The following CNNM2 variants were observed in gnomAD, a reference collection of about 807,000 sequenced individuals.
CNNM2 encodes the protein cyclin and CBS domain divalent metal cation transport mediator 2.
A neutral mutation model predicts 66.9 loss-of-function variants in CNNM2; 12 were observed. The observed-to-expected ratio is 0.18, with a 90% CI of 0.11 to 0.29. CNNM2 has a LOEUF of 0.29. CNNM2 is among the 10% of genes least tolerant of loss of function. The pLI is 1.00. For missense variants in CNNM2, 705 were observed against 1,167.7 expected (o/e 0.60, Z 5.77); for synonymous variants, 557 against 501.8 (o/e 1.11, Z -1.47).
chr10:102,944,921 T>C (rs893503304), intron 1 of CNNM2, among the ~76,000 whole-genome samples: 1 of 152,152 alleles, frequency 6.6e-6, no homozygotes, highest in African/African-American at 2.4e-5. Context: ...GCAATCTGGA[T>C]TTATCTTATC....
intron 1 of CNNM2, among the ~76,000 whole-genome samples, chr10:103,013,245 G>T (rs1234985846): frequency 1.3e-5 from 2 of 152,222 alleles, no homozygotes; most frequent in East Asian, 3.9e-4. Context: ...AAAACCCAGG[G>T]AATGTTAGTT....
At chr10:103,030,580 G>A (rs192171302) in intron 1 of CNNM2, among the ~76,000 whole-genome samples, 25 of 152,264 alleles carry the variant, frequency 1.6e-4, no homozygotes, top group Non-Finnish European at 3.1e-4. Context: ...GCCAGGCGTG[G>A]TGGCACACCT....
chr10:102,982,644 C>T (rs907261252), intron 1 of CNNM2, among the ~76,000 whole-genome samples: 1 of 152,072 alleles, frequency 6.6e-6, no homozygotes, highest in Non-Finnish European at 1.5e-5. Context: ...TAGGGCTTTC[C>T]GATATAAGTA....
intron 1 of CNNM2, among the ~76,000 whole-genome samples, chr10:102,924,452 A>G (rs148895180): frequency 1.3e-5 from 2 of 152,314 alleles, no homozygotes; most frequent in South Asian, 2.1e-4. Flanking sequence ...TCACCAGATA[A>G]TGTTGTTCTT....
intron 2 of CNNM2, among the ~76,000 whole-genome samples, chr10:103,052,430 C>T (rs994139616): frequency 2.0e-5 from 3 of 151,980 alleles, no homozygotes; most frequent in Non-Finnish European, 4.4e-5. Flanking sequence ...TTTAACTTCT[C>T]TTAAGCCTTG....
Position 103,089,684 on chromosome 10 carries a change from C to G in CNNM2, c.*12504C>G. On this transcript the variant is annotated 3_prime_UTR_variant, in exon 8 of 8. Coordinates refer to ENST00000369878, the MANE Select transcript of CNNM2 (RefSeq NM_017649.5). ...TTGGTTTTCCTCCTTATTCTTCCTC[C>G]TCCTCCTCCTCTTCATCATCATCTT... The G allele has an allele frequency of 6.2e-7, 1 of 1,603,194 alleles. No individual in the cohort carries two copies. The highest frequency in any genetic ancestry group is 8.5e-7 in the Non-Finnish European group (1 of 1,174,528).
rs2064954958 is a variant in CNNM2, at chr10:103,037,099, G to A, written c.1622-12608G>A. Among the ~76,000 whole-genome samples, 2 of 151,932 alleles carry A rather than the reference G, an allele frequency of 1.3e-5. 1 individual carries two copies. Among genetic ancestry groups the A allele is most frequent in the South Asian group, 4.1e-4 (2 of 4,826 alleles). On this transcript the variant is annotated intron_variant, in intron 1 of 7. Transcript: ENST00000369878. ...TACAATTGCATGTGAATATACAATT[G>A]TTTCAAAATTAAAATAAAATGTTCC...
intron 1 of CNNM2, among the ~76,000 whole-genome samples, chr10:103,039,979 C>T (rs892999306): frequency 3.3e-5 from 5 of 152,054 alleles, no homozygotes; most frequent in Non-Finnish European, 5.9e-5. Flanking sequence ...CCAGCCTGGC[C>T]AACATGGTGA....
At chr10:103,066,038 A>G (rs1260181271) in intron 4 of CNNM2, among the ~76,000 whole-genome samples, 8 of 152,092 alleles carry the variant, frequency 5.3e-5, no homozygotes, top group Non-Finnish European at 1.5e-5. Flanking sequence ...TCTGTAGGGT[A>G]GGAAAGCCTC....
At position 103,089,871 on chromosome 10, in the gene CNNM2, T is replaced by C. The variant is rs755564008; in HGVS notation, c.*12691T>C. 2.5e-6 allele frequency: 4 copies of C among 1,613,180 alleles called. No individual in the cohort carries two copies. Among genetic ancestry groups the C allele is most frequent in the South Asian group, 1.1e-5 (1 of 90,946 alleles). On this transcript the variant is annotated 3_prime_UTR_variant, in exon 8 of 8. Coordinates refer to ENST00000369878, the MANE Select transcript of CNNM2 (RefSeq NM_017649.5). ...AAGAGGAGACTCCATCTCATTGATA[T>C]CTACGTGTGTGTGCTCCACCGTTGA...
chr10:102,961,666 T>C (rs979596335), intron 1 of CNNM2, among the ~76,000 whole-genome samples: 1 of 152,168 alleles, frequency 6.6e-6, no homozygotes, highest in African/African-American at 2.4e-5. Context: ...GTTTTGAAAA[T>C]ATCACTCTTT....
chr10:103,004,779 T>C (rs1303316070), intron 1 of CNNM2, among the ~76,000 whole-genome samples: 2 of 152,254 alleles, frequency 1.3e-5, no homozygotes, highest in African/African-American at 2.4e-5. Context: ...CTTTTACATA[T>C]CTTCTTCTAG....
intron 7 of CNNM2, 92 bp downstream of exon 7, chr10:103,076,362 A>ACT (rs1404975146): frequency 7.8e-7 from 1 of 1,286,792 alleles, no homozygotes; most frequent in Non-Finnish European, 1.1e-6. Flanking sequence ...CCTCCTCAGA[A>ACT]CTCTCCCTTT....
At position 103,054,398 on chromosome 10, in the gene CNNM2, C is replaced by T. The variant is rs1226683009; in HGVS notation, c.1835C>T (p.Thr612Ile). ...CAAGATTTTTCTGCCTTTAAGCAGA[C>T]AGACAGTGAGATGAAGGTTAAAATA... ...RKQDFSAFKQ[T>I]DSEMKVKISP... The change falls in exon 3 of 8, where the codon ACA becomes ATA. Residue 612 changes from threonine to isoleucine, a missense_variant. This residue lies in a region of CNNM2 where 171 missense variants were observed against 304.8 expected (regional missense o/e 0.56). Transcript: ENST00000369878. This position sits in a 1 kb window ranked among gnomAD's most constrained non-coding sequence, Gnocchi z 5.2. 1 of 1,613,770 alleles carries T rather than the reference C, an allele frequency of 6.2e-7. No homozygotes were observed. Among genetic ancestry groups the T allele is most frequent in the East Asian group, 2.2e-5 (1 of 44,876 alleles).
intron 2 of CNNM2, among the ~76,000 whole-genome samples, chr10:103,050,453 C>T (rs1037899983): frequency 2.0e-5 from 3 of 151,426 alleles, no homozygotes; most frequent in Admixed American, 1.3e-4. Context: ...AGGAGAATCG[C>T]TTGAACCCAG....
intron 1 of CNNM2, among the ~76,000 whole-genome samples, chr10:102,964,041 A>ATATCAATCCCT (rs2063423652): frequency 1.3e-5 from 2 of 152,246 alleles, no homozygotes; most frequent in South Asian, 4.1e-4. Context: ...AAATGTTTGT[A>ATATCAATCCCT]TATCAATCCC....
At chr10:103,059,724 C>T (rs1296513172) in intron 4 of CNNM2, among the ~76,000 whole-genome samples, 1 of 151,432 alleles carries the variant, frequency 6.6e-6, no homozygotes, top group African/African-American at 2.4e-5. Flanking sequence ...AAGTGTTTTT[C>T]CACCATCATA....
chr10:103,074,855 G>T (rs1383233281), intron 6 of CNNM2, among the ~76,000 whole-genome samples: 1 of 152,164 alleles, frequency 6.6e-6, no homozygotes, highest in Non-Finnish European at 1.5e-5. Flanking sequence ...AATATTAGGA[G>T]AAAGTGAACT....
At chr10:103,042,422 A>G (rs1192016108) in intron 1 of CNNM2, among the ~76,000 whole-genome samples, 1 of 152,032 alleles carries the variant, frequency 6.6e-6, no homozygotes, top group Admixed American at 6.6e-5. Flanking sequence ...CCCTACTGTT[A>G]TGTTCTCCAC....
Sources: allele counts gnomAD v4.1 joint callset (sites outside exome capture counted in the v4.1 genomes callset), GRCh38; gene constraint gnomAD v4.1.1; regional missense constraint gnomAD v4.1.1; non-coding constraint Gnocchi (gnomAD v3.1); transcripts MANE v1.5; gene names NCBI Gene and HGNC (gene_info 2026-07-23, HGNC 2026-07-21).